The following MICAL3 variants were observed in gnomAD, a reference collection of about 807,000 sequenced individuals.
MICAL3 encodes [F-actin]-monooxygenase MICAL3.
Under a neutral mutation model 207.4 loss-of-function variants are expected in MICAL3, and 62 were observed. The observed-to-expected ratio is 0.30, with a 90% CI of 0.24 to 0.37. MICAL3 has a LOEUF of 0.37. Among genes scored for constraint, MICAL3 ranks in the 10% least tolerant of loss-of-function variants. The pLI, the probability that MICAL3 is intolerant of heterozygous loss-of-function variation, is 1.00. For missense variants in MICAL3, 2,368 were observed against 2,635.6 expected, an observed-to-expected ratio of 0.90 and a Z score of 2.22; for synonymous variants, 1,077 against 1,069.3, an observed-to-expected ratio of 1.01 and a Z score of -0.14.
At chr22:17,975,972 C>A (rs1250652549) in intron 1 of MICAL3, among the ~76,000 whole-genome samples, 1 of 151,972 alleles carries the variant, frequency 6.6e-6, no homozygotes, top group East Asian at 1.9e-4. Context: ...ATCGCTAGAA[C>A]CGGGAGGCAG....
intron 1 of MICAL3, among the ~76,000 whole-genome samples, chr22:17,919,165 G>C (rs962697429): frequency 6.7e-6 from 1 of 150,296 alleles, no homozygotes. Flanking sequence ...CCTCAGCTCA[G>C]GCGATTCTCC....
At chr22:17,834,594 C>A in intron 20 of MICAL3, 1 of 1,120,362 alleles carries the variant, frequency 8.9e-7, no homozygotes, top group Non-Finnish European at 1.1e-6. Flanking sequence ...AACAAAAGCT[C>A]CTTATTCTCA....
intron 27 of MICAL3, chr22:17,813,984 A>C (rs2062075992): frequency 6.6e-6 from 1 of 152,246 alleles, no homozygotes; most frequent in African/African-American, 2.4e-5. Context: ...TAAATTTTCT[A>C]TAATAAACAT....
chr22:17,899,341 G>A (rs1368672333), intron 7 of MICAL3, 107 bp downstream of exon 7: 2 of 770,648 alleles, frequency 2.6e-6, no homozygotes, highest in South Asian at 2.9e-5. Flanking sequence ...GATGCATTCA[G>A]TGCTCATTTT....
In MICAL3 at chr22:17,817,555, G is replaced by T. The variant is rs560953957; in HGVS notation, c.5106C>A (p.Leu1702=). ...CCTTCTTGTTTCTGCGGGGGGAGAA[G>T]AGTGACGACCTCTTCTTGCTCTTCC... The part of the protein sequence containing the change: ...SSGKSKKRSS[L]FSPRRNKKEK... The change falls in exon 26 of 32, where the codon CTC becomes CTA. Residue 1702 remains leucine, a synonymous_variant. Transcript: ENST00000441493. The T allele has an allele frequency of 1.1e-5, 17 of 1,613,314 alleles. No individual in the cohort carries two copies. In the African/African-American group the frequency reaches 1.6e-4, roughly 15 times the overall value.
intron 1 of MICAL3, among the ~76,000 whole-genome samples, chr22:18,013,397 G>A (rs1284346364): frequency 6.6e-6 from 1 of 152,188 alleles, no homozygotes; most frequent in Non-Finnish European, 1.5e-5. Context: ...CATTACTCCT[G>A]TTTTAGTACA....
At chr22:17,801,812 T>G (rs1362212454) in intron 29 of MICAL3, among the ~76,000 whole-genome samples, 6 of 151,998 alleles carry the variant, frequency 3.9e-5, no homozygotes, top group African/African-American at 1.5e-4. Flanking sequence ...GAGAATCGCT[T>G]GAACCCGGGA....
rs186319626 is a variant in MICAL3, at chr22:17,789,909, G to C, written c.*823C>G. 2 of 152,336 alleles carry C rather than the reference G, an allele frequency of 1.3e-5. No individual in the cohort carries two copies. The highest frequency in any genetic ancestry group is 1.3e-4 in the Admixed American group (2 of 15,302). 9.4% of individuals were successfully genotyped at this position (152,336 alleles called of 1,614,324 possible). A position where few individuals can be genotyped will look rare whatever the true frequency, so the allele number is the denominator to read the frequency against. The stretch of plus-strand genomic sequence containing the variant: ...CAACGTGCAAACACAGGAAAAACAC[G>C]GAGGAAAAGGTCATCTCCTGTCCCG... On this transcript the variant is annotated 3_prime_UTR_variant, in exon 32 of 32. Transcript: ENST00000441493.
At chr22:17,917,805 C>T (rs1042098329) in intron 1 of MICAL3, among the ~76,000 whole-genome samples, 5 of 152,314 alleles carry the variant, frequency 3.3e-5, no homozygotes, top group Admixed American at 1.3e-4. Flanking sequence ...CTCTGCTGAC[C>T]ACACCCAGGG....
chr22:17,849,679 TG>T, intron 19 of MICAL3, among the ~76,000 whole-genome samples: 4 of 133,736 alleles, frequency 3.0e-5, no homozygotes, highest in African/African-American at 8.6e-5. Context: ...TGTGTGTGTG[TG>T]TGTGTGTATT....
chr22:17,884,467 A>G (rs925530231), intron 16 of MICAL3: 52 of 783,484 alleles, frequency 6.6e-5, no homozygotes, highest in South Asian at 2.7e-4. Flanking sequence ...CGACAGCCCC[A>G]TATCTGTGAA....
chr22:17,953,105 C>T (rs892593612), intron 1 of MICAL3, among the ~76,000 whole-genome samples: 1 of 152,182 alleles, frequency 6.6e-6, no homozygotes, highest in Non-Finnish European at 1.5e-5. Flanking sequence ...GCCCTGCACA[C>T]GCAGTTTGCA....
rs5844343 is a variant in MICAL3 at position 17,993,251 on chromosome 22, CTTTT to C, written c.-75+31026_-75+31029del. Among the ~76,000 whole-genome samples, 12 of 150,044 alleles carry C rather than the reference CTTTT, an allele frequency of 8.0e-5. No individual in the cohort carries two copies. In the East Asian group the frequency reaches 9.8e-4, roughly 12 times the overall value. Reference sequence around the variant, plus strand: ...CACAGTGATTAGGATTCCCAGATGGCTTTTTTTTTTTAATTTTACTTTAAGTTCC... The same window carrying C: ...CACAGTGATTAGGATTCCCAGATGGCTTTTTTTAATTTTACTTTAAGTTCC... On this transcript the variant is annotated intron_variant, in intron 1 of 31. Transcript: ENST00000441493.
At chr22:17,861,707 C>G in intron 19 of MICAL3, 4 of 985,160 alleles carry the variant, frequency 4.1e-6, no homozygotes, top group Non-Finnish European at 4.8e-6. Flanking sequence ...CACTAACACG[C>G]AGTAGTAAGT....
At chr22:17,814,872 C>T (rs1024028391) in intron 27 of MICAL3, 2 of 148,084 alleles carry the variant, frequency 1.4e-5, no homozygotes, top group African/African-American at 4.9e-5. Flanking sequence ...TCGACTGTCC[C>T]CTAGGTCATC....
At chr22:17,854,119 C>T (rs536250825) in intron 19 of MICAL3, among the ~76,000 whole-genome samples, 6 of 152,320 alleles carry the variant, frequency 3.9e-5, no homozygotes, top group Admixed American at 1.3e-4. Flanking sequence ...ATGTCATGTC[C>T]TTTCTTCTAA....
chr22:17,827,432 A>T (rs535941039), intron 22 of MICAL3, among the ~76,000 whole-genome samples: 6 of 152,358 alleles, frequency 3.9e-5, no homozygotes, highest in Non-Finnish European at 7.3e-5. Flanking sequence ...ATGGAGAAAG[A>T]GTCCACAACC....
rs533348917 is a variant in MICAL3, at chr22:18,023,619, C to T, written c.-75+662G>A. On this transcript the variant is annotated intron_variant, in intron 1 of 31. Transcript: ENST00000441493. ...ATGCAGCCTCCAGAAGTCATGCGGC[C>T]CCGCCCTCTGCTTCCAGGAGGGAAT... Among the ~76,000 whole-genome samples, 4 of 152,368 alleles carry T rather than the reference C, an allele frequency of 2.6e-5. No homozygotes were observed. The South Asian group carries it at 8.3e-4, about 32-fold the overall frequency.
At chr22:17,971,727 C>A (rs1935421421) in intron 1 of MICAL3, among the ~76,000 whole-genome samples, 1 of 152,238 alleles carries the variant, frequency 6.6e-6, no homozygotes, top group Admixed American at 6.5e-5. Flanking sequence ...CATACTTACA[C>A]ACTGTGAGAA....
Sources: allele counts gnomAD v4.1 joint callset (sites outside exome capture counted in the v4.1 genomes callset), GRCh38; gene constraint gnomAD v4.1.1; transcripts MANE v1.5; gene names NCBI Gene and HGNC (gene_info 2026-07-23, HGNC 2026-07-21).